The following NPIPB15 variants were observed in gnomAD, a reference collection of about 807,000 sequenced individuals.
The protein encoded by NPIPB15 is nuclear pore complex-interacting protein family member B15.
Under a neutral mutation model 35.9 loss-of-function variants are expected in NPIPB15, and 5 were observed. The observed-to-expected ratio is 0.14, with a 90% confidence interval of 0.07 to 0.29. The LOEUF (loss-of-function observed/expected upper bound fraction) is 0.29. Among genes scored for constraint, NPIPB15 ranks in the 10% least tolerant of loss-of-function variants. The probability of loss-of-function intolerance (pLI) is 1.00; values close to 1 mark genes in which losing one functional copy is unlikely to be tolerated. For missense variants in NPIPB15, 100 were observed against 506.1 expected (o/e 0.20, Z 7.70); for synonymous variants, 43 against 182.0 (o/e 0.24, Z 6.15).
intron 2 of NPIPB15, among the ~76,000 whole-genome samples, chr16:74,380,860 A>C (rs1358828860): frequency 6.6e-6 from 1 of 151,900 alleles, no homozygotes; most frequent in Non-Finnish European, 1.5e-5. Flanking sequence ...AAACAAAAAA[A>C]AATGGCTGGG....
intron 5 of NPIPB15, among the ~76,000 whole-genome samples, chr16:74,386,059 T>C (rs1322166980): frequency 7.6e-6 from 1 of 131,120 alleles, no homozygotes; most frequent in African/African-American, 2.8e-5. Context: ...AATGGCACAA[T>C]CTCAGCTCAC....
chr16:74,378,692 G>A (rs2011815605), intron 2 of NPIPB15, among the ~76,000 whole-genome samples: 1 of 150,806 alleles, frequency 6.6e-6, no homozygotes, highest in South Asian at 2.1e-4. Context: ...TTACAGGCGT[G>A]AACCACCGCG....
chr16:74,377,546 G>A (rs200604568), intron 1 of NPIPB15, among the ~76,000 whole-genome samples, 200 bp downstream of exon 1: 2 of 151,916 alleles, frequency 1.3e-5, no homozygotes, highest in Non-Finnish European at 2.9e-5. Context: ...AGGTTTGGTG[G>A]ATAGCAGAAC....
intron 3 of NPIPB15, among the ~76,000 whole-genome samples, chr16:74,382,879 A>C (rs2012066935): frequency 6.6e-6 from 1 of 150,874 alleles, no homozygotes. Flanking sequence ...TCCTGAACAG[A>C]GAATTTTTGG....
At chr16:74,384,970 C>T (rs1475039698) in intron 3 of NPIPB15, among the ~76,000 whole-genome samples, 3 of 139,896 alleles carry the variant, frequency 2.1e-5, no homozygotes, top group South Asian at 2.4e-4. Flanking sequence ...AGTGAGTCAC[C>T]GTGCCAGCCT....
intron 5 of NPIPB15, among the ~76,000 whole-genome samples, chr16:74,387,004 TAA>T (rs1194439408): frequency 6.7e-6 from 1 of 149,982 alleles, no homozygotes; most frequent in African/African-American, 2.5e-5. Context: ...AGATACTTGT[TAA>T]AAAATATTTA....
rs1597153982 is a variant in NPIPB15, at chr16:74,381,729, C to T, written c.249+31C>T. On this transcript the variant is annotated intron_variant, in intron 3 of 7. Coordinates refer to ENST00000692376, the MANE Select transcript of NPIPB15 (RefSeq NM_001306094.2). ...TATACTAACTTTCTGTAGAGGTATA[C>T]TTGTAATCACAAATAAGAATAAATT... is the stretch of plus-strand genomic sequence containing the variant. 6 of 1,563,632 alleles carry T rather than the reference C, an allele frequency of 3.8e-6. No homozygotes were observed. The East Asian group carries it at 1.1e-4, about 30-fold the overall frequency.
intron 2 of NPIPB15, among the ~76,000 whole-genome samples, chr16:74,380,806 A>AGAGT (rs1179919902): frequency 1.3e-5 from 2 of 148,620 alleles, no homozygotes; most frequent in Admixed American, 6.9e-5. Flanking sequence ...CCTGGGTGAC[A>AGAGT]GAGTGAGACC....
chr16:74,378,765 A>C (rs1425915754), intron 2 of NPIPB15, among the ~76,000 whole-genome samples: 1 of 151,418 alleles, frequency 6.6e-6, no homozygotes, highest in Non-Finnish European at 1.5e-5. Context: ...ATACACCAGC[A>C]TAAACCGACC....
intron 2 of NPIPB15, among the ~76,000 whole-genome samples, chr16:74,379,140 A>G (rs2011845432): frequency 1.3e-5 from 2 of 152,206 alleles, no homozygotes; most frequent in South Asian, 2.1e-4. Flanking sequence ...GTGAACTCCC[A>G]CTCTTCCCAG....
At chr16:74,384,612 C>T (rs1316666198) in intron 3 of NPIPB15, among the ~76,000 whole-genome samples, 149 of 144,984 alleles carry the variant, frequency 1.0e-3, no homozygotes, top group Non-Finnish European at 3.0e-4. Context: ...TGTGATTCAC[C>T]CGCCTCAGCC....
rs1186582416 is a variant in NPIPB15 at position 74,384,668 on chromosome 16, A to ATTT, written c.250-647_250-645dup. On this transcript the variant is annotated intron_variant, in intron 3 of 7. Transcript: ENST00000692376. ...AGGCGTGAGCTACCGCACCTGGCCT[A>ATTT]TTTTTTTTTTTTTTTTTTTTTTTTT... Among the ~76,000 whole-genome samples the ATTT allele has an allele frequency of 8.2e-3, 502 of 61,552 alleles. 76 individuals are homozygous for ATTT. Among genetic ancestry groups the ATTT allele is most frequent in the African/African-American group, 0.016 (262 of 15,906 alleles). The allele number at this position is 61,552 out of a possible 152,430, so 40.4% of individuals were successfully genotyped here. A position where few individuals can be genotyped will look rare whatever the true frequency, so the allele number is the denominator to read the frequency against.
intron 2 of NPIPB15, among the ~76,000 whole-genome samples, chr16:74,380,868 G>A (rs1304967529): frequency 5.4e-4 from 82 of 152,076 alleles, no homozygotes; most frequent in Non-Finnish European, 1.3e-4. Context: ...AAAAATGGCT[G>A]GGCACGGTGG....
intron 2 of NPIPB15, among the ~76,000 whole-genome samples, chr16:74,379,898 ATTT>A (rs1295796107): frequency 6.6e-6 from 1 of 151,590 alleles, no homozygotes; most frequent in Non-Finnish European, 1.5e-5. Flanking sequence ...CACCTTGTTA[ATTT>A]TTAAGCACTA....
At chr16:74,385,054 G>T (rs1465137025) in intron 3 of NPIPB15, among the ~76,000 whole-genome samples, 15 of 140,682 alleles carry the variant, frequency 1.1e-4, no homozygotes, top group South Asian at 5.0e-4. Context: ...TCATTCTGTC[G>T]CTCAGGCTGG....
chr16:74,384,303 A>G (rs2012140325), intron 3 of NPIPB15, among the ~76,000 whole-genome samples: 2 of 93,286 alleles, frequency 2.1e-5, no homozygotes, highest in South Asian at 4.5e-4. Context: ...TAAAATACTT[A>G]TAAGATGATA....
intron 5 of NPIPB15, among the ~76,000 whole-genome samples, chr16:74,386,481 CAG>C (rs1298824349): frequency 6.1e-5 from 7 of 115,134 alleles, no homozygotes; most frequent in African/African-American, 1.8e-4. Context: ...TTTTTTGAGA[CAG>C]AGTCTCACTC....
chr16:74,381,263 G>C (rs1453521824), intron 2 of NPIPB15: 1 of 617,848 alleles, frequency 1.6e-6, no homozygotes, highest in South Asian at 2.2e-5. Context: ...GAAGTGAAAA[G>C]ATTGGATATC....
intron 5 of NPIPB15, among the ~76,000 whole-genome samples, chr16:74,386,479 G>A: frequency 8.8e-6 from 1 of 113,718 alleles, no homozygotes; most frequent in Non-Finnish European, 1.7e-5. Context: ...TTTTTTTTGA[G>A]ACAGAGTCTC....
Sources: gnomAD v4.1 joint callset for allele counts (sites outside exome capture counted in the v4.1 genomes callset) on GRCh38, gnomAD v4.1.1 for gene constraint, MANE v1.5 for transcripts, NCBI Gene and HGNC (gene_info 2026-07-23, HGNC 2026-07-21) for gene names.